TBC1D32: variants seen among roughly 807,000 people sequenced by gnomAD.
TBC1D32 encodes the protein TBC1 domain family member 32.
In TBC1D32, 151 loss-of-function variants were observed where a neutral mutation model predicts 170.3. The observed-to-expected ratio is 0.89, with a 90% CI of 0.78 to 1.01. TBC1D32 has a LOEUF of 1.01. Ranked by LOEUF, TBC1D32 falls within the 50% of genes least tolerant of loss-of-function variation. The pLI, the probability that TBC1D32 is intolerant of heterozygous loss-of-function variation, is 0.00. For missense variants in TBC1D32, 1,464 were observed against 1,457.1 expected, an observed-to-expected ratio of 1.00 and a Z score of -0.08; for synonymous variants, 498 against 488.0, an observed-to-expected ratio of 1.02 and a Z score of -0.27.
intron 15 of TBC1D32, among the ~76,000 whole-genome samples, chr6:121,273,949 A>G (rs1299182201): frequency 6.6e-6 from 1 of 152,074 alleles, no homozygotes; most frequent in African/African-American, 2.4e-5. Context: ...GCTGTGCTGG[A>G]GTTTCTCTGA....
intron 31 of TBC1D32, among the ~76,000 whole-genome samples, chr6:121,085,249 A>G (rs1181382100): frequency 7.7e-6 from 1 of 129,202 alleles, no homozygotes; most frequent in East Asian, 2.0e-4. Flanking sequence ...ATACATACGT[A>G]TATATATACA....
Position 121,269,552 on chromosome 6 carries a change from G to C in TBC1D32, c.1733+9569C>G, listed in dbSNP as rs138060245. Among the ~76,000 whole-genome samples the C allele has an allele frequency of 2.4e-3, 371 of 152,240 alleles. 1 individual carries two copies. The highest frequency in any genetic ancestry group is 8.4e-3 in the African/African-American group (348 of 41,514). On this transcript the variant is annotated intron_variant, in intron 15 of 31. Transcript: ENST00000398212. ...AATGGTAAAGGGATCAATTCAACAG[G>C]AAGAGCTAACTATCCGAAACATATA...
At chr6:121,169,685 G>A (rs1316783011) in intron 22 of TBC1D32, among the ~76,000 whole-genome samples, 3 of 152,034 alleles carry the variant, frequency 2.0e-5, no homozygotes, top group Non-Finnish European at 2.9e-5. Flanking sequence ...TCCATACTCA[G>A]CAGCTGTTAA....
rs1211282201 is a variant in TBC1D32 at position 121,304,386 on chromosome 6, A to C, written c.914T>G (p.Phe305Cys). 1 of 1,613,490 alleles carries C rather than the reference A, an allele frequency of 6.2e-7. No homozygotes were observed. Residue 305 changes from phenylalanine to cysteine, a missense_variant, in exon 8 of 32, where the codon TTC (phenylalanine) becomes TGC (cysteine). Coordinates refer to ENST00000398212, the MANE Select transcript of TBC1D32 (RefSeq NM_152730.6). The stretch of plus-strand genomic sequence containing the variant: ...TTACTTCTCTGGATGACGAATCCAG[A>C]AAGATGGAGCTTCTTTCTGATATTC... ...LNEYQKEAPS[F>C]WIRHPEKYME...
intron 30 of TBC1D32, among the ~76,000 whole-genome samples, chr6:121,102,267 T>G (rs1336568993): frequency 6.6e-6 from 1 of 151,752 alleles, no homozygotes; most frequent in Non-Finnish European, 1.5e-5. Context: ...CCAGAAAAGA[T>G]CCCACATTGC....
At chr6:121,302,741 G>A (rs191807982) in intron 9 of TBC1D32, among the ~76,000 whole-genome samples, 2 of 152,010 alleles carry the variant, frequency 1.3e-5, no homozygotes, top group African/African-American at 4.8e-5. Flanking sequence ...TAGATGTAAG[G>A]AACAAAGGGT....
intron 24 of TBC1D32, among the ~76,000 whole-genome samples, chr6:121,156,959 T>A (rs755642694): frequency 4.6e-5 from 7 of 152,142 alleles, no homozygotes; most frequent in Non-Finnish European, 1.0e-4. Flanking sequence ...GTTGCATGTG[T>A]AGAAGACAAG....
rs1232113294 is a variant in TBC1D32 at position 121,085,049 on chromosome 6, G to C, written c.3655-4159C>G. 2.6e-5 allele frequency among the ~76,000 whole-genome samples: 4 copies of C among 151,334 alleles called. No homozygotes were observed. The East Asian group carries it at 7.8e-4, about 29-fold the overall frequency. ...ATAGAATAAAAAATTACCACAAAAG[G>C]TACAGAACTTAACATATACTTAACA... On this transcript the variant is annotated intron_variant, in intron 31 of 31. Coordinates refer to ENST00000398212, the MANE Select transcript of TBC1D32 (RefSeq NM_152730.6).
intron 31 of TBC1D32, among the ~76,000 whole-genome samples, chr6:121,083,627 C>T (rs1582685866): frequency 1.3e-5 from 2 of 151,884 alleles, no homozygotes; most frequent in Non-Finnish European, 2.9e-5. Context: ...GATTTGGGAC[C>T]ACTGAATCTA....
chr6:121,090,607 A>G (rs992140267), intron 31 of TBC1D32, among the ~76,000 whole-genome samples: 16 of 152,166 alleles, frequency 1.1e-4, no homozygotes, highest in Non-Finnish European at 1.3e-4. Context: ...TTGGCATAGC[A>G]TGTGGGTTAC....
chr6:121,294,420 A>C (rs777294069), intron 11 of TBC1D32, 150 bp downstream of exon 11: 5 of 577,048 alleles, frequency 8.7e-6, no homozygotes, highest in African/African-American at 1.9e-5. Context: ...TATCTTATAA[A>C]TGTGTAAAAT....
intron 30 of TBC1D32, among the ~76,000 whole-genome samples, chr6:121,095,724 G>A (rs1777324509): frequency 6.6e-6 from 1 of 152,128 alleles, no homozygotes; most frequent in Admixed American, 6.6e-5. Context: ...TTTACGTGAT[G>A]GATTACATTT....
At chr6:121,144,788 GA>G (rs376953459) in intron 24 of TBC1D32, among the ~76,000 whole-genome samples, 1 of 152,022 alleles carries the variant, frequency 6.6e-6, no homozygotes, top group African/African-American at 2.4e-5. Flanking sequence ...AATGCAGCTA[GA>G]AAAAAAGAAG....
chr6:121,149,436 A>G (rs1783916717), intron 24 of TBC1D32, among the ~76,000 whole-genome samples: 1 of 152,172 alleles, frequency 6.6e-6, no homozygotes, highest in Admixed American at 6.5e-5. Flanking sequence ...ATCTTTGTAT[A>G]AGTTATAACA....
At chr6:121,289,395 T>C (rs1013270592) in intron 12 of TBC1D32, among the ~76,000 whole-genome samples, 2 of 152,090 alleles carry the variant, frequency 1.3e-5, no homozygotes, top group African/African-American at 2.4e-5. Context: ...TGAACTCCCA[T>C]TCACAATTGC....
intron 21 of TBC1D32, among the ~76,000 whole-genome samples, chr6:121,213,509 TAAAATAAAATAAAATAAATA>T (rs1434026837): frequency 1.3e-3 from 14 of 10,718 alleles, no homozygotes; most frequent in African/African-American, 1.7e-3. Flanking sequence ...TAAAATAAAA[TAAAATAAAATAAAATAAATA>T]AAATAAAATA....
chr6:121,129,363 G>A (rs1161386175), intron 25 of TBC1D32, among the ~76,000 whole-genome samples: 2 of 152,136 alleles, frequency 1.3e-5, no homozygotes, highest in Non-Finnish European at 2.9e-5. Context: ...AGCTAGGCTA[G>A]GTTAAGCTAT....
rs148959230 is a variant in TBC1D32, at chr6:121,272,479, A to G, written c.1733+6642T>C. 8.9e-3 allele frequency among the ~76,000 whole-genome samples: 1,349 copies of G among 152,286 alleles called. 27 individuals carry two copies. The highest frequency in any genetic ancestry group is 0.031 in the African/African-American group (1,275 of 41,534). ...GAATAGACACTTATCAAAAGAAGACATTTATGCAGCCCACAGACACATGAA... is the reference window on the plus strand; with the variant it reads ...GAATAGACACTTATCAAAAGAAGACGTTTATGCAGCCCACAGACACATGAA... On this transcript the variant is annotated intron_variant, in intron 15 of 31. Transcript: ENST00000398212.
chr6:121,157,537 C>T (rs1785061836), intron 24 of TBC1D32, among the ~76,000 whole-genome samples: 1 of 152,052 alleles, frequency 6.6e-6, no homozygotes, highest in Admixed American at 6.6e-5. Context: ...AGATTCTGAT[C>T]CTGTCATTCG....
Sources: allele counts gnomAD v4.1 joint callset (sites outside exome capture counted in the v4.1 genomes callset), GRCh38; gene constraint gnomAD v4.1.1; transcripts MANE v1.5; gene names NCBI Gene and HGNC (gene_info 2026-07-23, HGNC 2026-07-21).